Variants in EML5 observed in about 807,000 individuals in gnomAD.
EML5 encodes echinoderm microtubule-associated protein-like 5.
EML5 carries 120 observed loss-of-function variants against 250.0 expected under a neutral mutation model. The ratio of observed to expected loss-of-function variants is 0.48; its 90% confidence interval spans 0.41 to 0.56. The LOEUF (loss-of-function observed/expected upper bound fraction) is 0.56. Among genes scored for constraint, EML5 ranks in the 20% least tolerant of loss-of-function variants. The pLI is 0.00. For missense variants in EML5, 2,006 were observed against 2,437.6 expected, an observed-to-expected ratio of 0.82 and a Z score of 3.73; for synonymous variants, 771 against 806.5, an observed-to-expected ratio of 0.96 and a Z score of 0.75.
At chr14:88,789,119 A>C (rs183862375) in intron 1 of EML5, among the ~76,000 whole-genome samples, 1 of 152,264 alleles carries the variant, frequency 6.6e-6, no homozygotes, top group East Asian at 1.9e-4. Context: ...CAAAAGTTTC[A>C]AAATATAGAC....
At chr14:88,709,246 G>T (rs1441305344) in intron 10 of EML5, among the ~76,000 whole-genome samples, 1 of 151,874 alleles carries the variant, frequency 6.6e-6, no homozygotes, top group Non-Finnish European at 1.5e-5. Flanking sequence ...AAAAGAAAGA[G>T]AAATAGACTT....
At chr14:88,627,411 G>A in intron 34 of EML5, 1 of 497,862 alleles carries the variant, frequency 2.0e-6, no homozygotes, top group African/African-American at 1.9e-5. Flanking sequence ...AAATAGCAGT[G>A]AATCATTTAT....
At position 88,615,762 on chromosome 14, in the gene EML5, TTTC is replaced by T; in HGVS notation, c.*53_*55del. On this transcript the variant is annotated 3_prime_UTR_variant, in exon 44 of 44. Coordinates refer to ENST00000554922, the MANE Select transcript of EML5 (RefSeq NM_183387.3). ...GACCATGCAGGGTTGGGTTTTGGTTTTTCTTCTCTGTAATTCTGGTCTCAAAGT... is the reference window on the plus strand; with the variant it reads ...GACCATGCAGGGTTGGGTTTTGGTTTTTCTCTGTAATTCTGGTCTCAAAGT... 1 of 1,575,622 alleles carries T rather than the reference TTTC, an allele frequency of 6.3e-7. No individual in the cohort carries two copies. The highest frequency in any genetic ancestry group is 1.2e-5 in the South Asian group (1 of 84,908).
intron 23 of EML5, 143 bp downstream of exon 23, chr14:88,664,350 T>C (rs565012828): frequency 4.8e-6 from 3 of 631,102 alleles, no homozygotes; most frequent in Non-Finnish European, 7.4e-6. Flanking sequence ...AGATGTAAAA[T>C]AGTAAAAAAT....
In EML5 at chr14:88,721,361, A is replaced by G. The variant is rs138970512; in HGVS notation, c.1187+5180T>C. 5.8e-3 allele frequency among the ~76,000 whole-genome samples: 881 copies of G among 152,356 alleles called. 8 individuals carry two copies. The highest frequency in any genetic ancestry group is 0.02 in the African/African-American group (841 of 41,576). On this transcript the variant is annotated intron_variant, in intron 8 of 43. Coordinates refer to ENST00000554922, the MANE Select transcript of EML5 (RefSeq NM_183387.3). ...AGGAAGCATCACGCTACTGAACCTC[A>G]AACTATATTACAAGGCTACAGTAAC...
chr14:88,617,150 CTTTT>C lies in EML5; in HGVS notation c.5643-275_5643-272del, dbSNP rs1358683137. ...ATGAAAACTGATAGAACTATTTTTT[CTTTT>C]TTTTTTTTTGAGACGGAGTTTTCGC... On this transcript the variant is annotated intron_variant, in intron 41 of 43. Coordinates refer to ENST00000554922, the MANE Select transcript of EML5 (RefSeq NM_183387.3). 2.7e-5 allele frequency: 5 copies of C among 185,044 alleles called. No individual in the cohort carries two copies. In the South Asian group the frequency reaches 7.5e-4, roughly 28 times the overall value. 11.5% of individuals were successfully genotyped at this position (185,044 alleles called of 1,614,324 possible).
At chr14:88,779,674 G>C (rs541736858) in intron 1 of EML5, among the ~76,000 whole-genome samples, 4 of 152,120 alleles carry the variant, frequency 2.6e-5, no homozygotes, top group Admixed American at 2.6e-4. Context: ...CTGATGTCAA[G>C]ATATTCTAGG....
intron 12 of EML5, 116 bp from the exon 13 acceptor site, chr14:88,705,094 T>C (rs1463296656): frequency 4.4e-6 from 3 of 675,834 alleles, no homozygotes; most frequent in Non-Finnish European, 4.7e-6. Context: ...AATAGTAGTC[T>C]TAAATGAAAA....
In EML5 at chr14:88,759,685, T is replaced by TAAAAAAAAA. The variant is rs58676323; in HGVS notation, c.198-5023_198-5015dup. 2.7e-3 allele frequency among the ~76,000 whole-genome samples: 252 copies of TAAAAAAAAA among 92,862 alleles called. 1 individual carries two copies. The highest frequency in any genetic ancestry group is 5.9e-3 in the East Asian group (17 of 2,896). 60.9% of individuals were successfully genotyped at this position (92,862 alleles called of 152,430 possible). Reference sequence around the variant, plus strand: ...AGTGACAGGGCAAGTCACCATCTCTTAAAAAAAAAAAAAAAAAAACTGGGG... The same window carrying TAAAAAAAAA: ...AGTGACAGGGCAAGTCACCATCTCTTAAAAAAAAAAAAAAAAAAAAAAAAAAAACTGGGG... On this transcript the variant is annotated intron_variant, in intron 1 of 43. Coordinates refer to ENST00000554922, the MANE Select transcript of EML5 (RefSeq NM_183387.3).
At chr14:88,651,097 A>AT (rs1010377958) in intron 27 of EML5, among the ~76,000 whole-genome samples, 3 of 140,616 alleles carry the variant, frequency 2.1e-5, no homozygotes, top group Admixed American at 7.2e-5. Flanking sequence ...ATCTCCTTTG[A>AT]TTTTTTTTCA....
At chr14:88,729,515 C>T (rs1191788656) in intron 7 of EML5, among the ~76,000 whole-genome samples, 1 of 151,350 alleles carries the variant, frequency 6.6e-6, no homozygotes, top group Non-Finnish European at 1.5e-5. Context: ...CTTTCTGTAT[C>T]TGTAAATAAA....
chr14:88,735,013 A>T (rs904047969), intron 7 of EML5, among the ~76,000 whole-genome samples: 2 of 152,174 alleles, frequency 1.3e-5, no homozygotes, highest in Non-Finnish European at 2.9e-5. Flanking sequence ...CTGTGTGATA[A>T]CAGTATTGTG....
chr14:88,659,590 CTG>C (rs2140922499), intron 25 of EML5, among the ~76,000 whole-genome samples: 1 of 152,276 alleles, frequency 6.6e-6, no homozygotes, highest in Admixed American at 6.5e-5. Flanking sequence ...TTCTCTAAGA[CTG>C]TGTGGTTCTT....
chr14:88,682,131 T>C (rs2092725995), intron 20 of EML5, 100 bp from the exon 21 acceptor site: 3 of 1,220,264 alleles, frequency 2.5e-6, no homozygotes, highest in Non-Finnish European at 3.2e-6. Context: ...TAATATATGA[T>C]AATAGGATAC....
chr14:88,690,810 G>A (rs769047520), intron 17 of EML5, among the ~76,000 whole-genome samples: 3 of 152,150 alleles, frequency 2.0e-5, no homozygotes, highest in Non-Finnish European at 2.9e-5. Context: ...GAGTAGATGA[G>A]AGAAAGAATC....
intron 1 of EML5, among the ~76,000 whole-genome samples, chr14:88,772,428 C>G (rs2094402571): frequency 6.6e-6 from 1 of 152,192 alleles, no homozygotes; most frequent in African/African-American, 2.4e-5. Flanking sequence ...AGAATGAAAC[C>G]TGAACCATCT....
chr14:88,769,603 T>C (rs1025201109), intron 1 of EML5, among the ~76,000 whole-genome samples: 8 of 152,134 alleles, frequency 5.3e-5, no homozygotes, highest in African/African-American at 1.9e-4. Context: ...AGGTAACAAA[T>C]AGTCATATCT....
chr14:88,694,359 A>C lies in EML5; in HGVS notation c.2487T>G (p.Pro829=). ...IFVVKMNPYV[P]DKLITAGIKH... is the part of the protein sequence containing the mutation. ...TAATTCCAGCTGTAATTAGTTTATC[A>C]GGCACATAGGGGTTCATCTTTACAA... The change falls in exon 17 of 44, where the codon CCT becomes CCG. Residue 829 remains proline, a synonymous_variant. Coordinates refer to ENST00000554922, the MANE Select transcript of EML5 (RefSeq NM_183387.3). 6.3e-7 allele frequency: 1 copy of C among 1,594,650 alleles called. No individual in the cohort carries two copies.
intron 2 of EML5, among the ~76,000 whole-genome samples, chr14:88,747,060 C>G (rs1271622391): frequency 6.6e-6 from 1 of 151,992 alleles, no homozygotes; most frequent in Admixed American, 6.6e-5. Flanking sequence ...CAACTTTGAT[C>G]TATCCCTCAA....
Sources: allele counts gnomAD v4.1 joint callset (sites outside exome capture counted in the v4.1 genomes callset), GRCh38; gene constraint gnomAD v4.1.1; transcripts MANE v1.5; gene names NCBI Gene and HGNC (gene_info 2026-07-23, HGNC 2026-07-21).